The following PPP2R3B variants were observed in gnomAD, a reference collection of about 807,000 sequenced individuals.
PPP2R3B encodes serine/threonine-protein phosphatase 2A regulatory subunit B'' subunit beta.
A neutral mutation model predicts 72.9 loss-of-function variants in PPP2R3B; 68 were observed. The observed-to-expected ratio is 0.93, with a 90% CI of 0.77 to 1.14. PPP2R3B has a LOEUF of 1.14. Among genes scored for constraint, PPP2R3B ranks in the 50% most tolerant of loss-of-function variants. PPP2R3B has a pLI of 0.00. For synonymous variants in PPP2R3B, 466 were observed against 375.8 expected, an observed-to-expected ratio of 1.24 and a Z score of -2.78; for missense variants, 1,018 against 842.0, an observed-to-expected ratio of 1.21 and a Z score of -2.59.
intron 2 of PPP2R3B, among the ~76,000 whole-genome samples, chrX:358,754 A>G (rs1307672588): frequency 1.3e-5 from 2 of 150,750 alleles, no homozygotes; most frequent in African/African-American, 4.8e-5. Context: ...AAACGCGCAC[A>G]TGAGAACCAG....
intron 8 of PPP2R3B, 78 bp downstream of exon 8, chrX:341,805 C>T (rs1341145783): frequency 6.0e-6 from 9 of 1,503,254 alleles, no homozygotes; most frequent in Middle Eastern, 3.5e-4. Context: ...AAAAAGCTCA[C>T]GTCAGGCAAC....
chrX:346,665 G>A (rs1373587292), intron 5 of PPP2R3B, 36 bp downstream of exon 5: 10 of 1,580,646 alleles, frequency 6.3e-6, no homozygotes, highest in African/African-American at 4.0e-5. Flanking sequence ...CCCGCGCCCC[G>A]CGCTGGAACC....
chrX:380,350 C>T (rs777418820), intron 1 of PPP2R3B, among the ~76,000 whole-genome samples: 6 of 152,280 alleles, frequency 3.9e-5, no homozygotes, highest in African/African-American at 1.2e-4. Context: ...AAAGAGCTCT[C>T]GCAACTCAGT....
intron 2 of PPP2R3B, among the ~76,000 whole-genome samples, chrX:355,303 C>T (rs912370555): frequency 2.2e-4 from 34 of 152,210 alleles, no homozygotes; most frequent in African/African-American, 8.2e-4. Context: ...TGTGATGAAC[C>T]GTGAACAAGA....
In PPP2R3B at chrX:376,411, C is replaced by G. The variant is rs755859554; in HGVS notation, c.324+9957G>C. ...CTGTCTACACCGGATGGGGGAGGGA[C>G]AGGGCTGTCCACACTCGACAGAGCC... On this transcript the variant is annotated intron_variant, in intron 1 of 12. Transcript: ENST00000390665. 2.6e-3 allele frequency among the ~76,000 whole-genome samples: 400 copies of G among 151,798 alleles called. 2 individuals carry two copies. The highest frequency in any genetic ancestry group is 9.3e-3 in the African/African-American group (382 of 41,076).
chrX:346,316 C>G, intron 5 of PPP2R3B, 56 bp from the exon 6 acceptor site: 4 of 1,503,764 alleles, frequency 2.7e-6, no homozygotes, highest in Non-Finnish European at 3.6e-6. Flanking sequence ...AGCCTCGCCC[C>G]GCACGGAGAC....
rs180863072 is a variant in PPP2R3B at position 373,842 on chromosome X, G to A, written c.325-12252C>T. 1.9e-3 allele frequency: 290 copies of A among 152,262 alleles called. 5 individuals carry two copies. The East Asian group carries it at 0.053, about 28-fold the overall frequency. 9.4% of individuals were successfully genotyped at this position (152,262 alleles called of 1,614,324 possible). ...ATTCCTCAGGCTGAGGAGGGCGCAT[G>A]GCGCCGGGGGTGGGGGCGGCCGCCT... On this transcript the variant is annotated intron_variant, in intron 1 of 12. Transcript: ENST00000390665.
At chrX:335,609 C>T (rs1034926153) in intron 12 of PPP2R3B, 127 of 152,168 alleles carry the variant, frequency 8.3e-4, no homozygotes, top group Non-Finnish European at 1.5e-3. Flanking sequence ...ATCAGAAGGC[C>T]GCGGGCTGCG....
In PPP2R3B at chrX:341,883, C is replaced by G; in HGVS notation, c.1085G>C (p.Arg362Pro). 1.9e-6 allele frequency: 3 copies of G among 1,612,672 alleles called. No individual in the cohort carries two copies. The highest frequency in any genetic ancestry group is 1.1e-5 in the South Asian group (1 of 91,080). ...CGTCAGGCGCCTGAGCCGTACGTAC[C>G]GTGTGACTGCTCCTGAGAAGATCCT... ...IDRIFSGAVTRGRKVQKEGKI... is the reference protein window; with the variant it reads ...IDRIFSGAVTPGRKVQKEGKI... The change falls in exon 8 of 13, where the codon CGA becomes CCA. Residue 362 changes from arginine (R) to proline (P), a missense_variant and splice_region_variant. Transcript: ENST00000390665.
chrX:375,762 G>C (rs191279424), intron 1 of PPP2R3B, among the ~76,000 whole-genome samples: 2 of 152,250 alleles, frequency 1.3e-5, no homozygotes, highest in African/African-American at 4.8e-5. Flanking sequence ...CGGGGGAAGC[G>C]AGCCAACGGG....
chrX:385,154 G>C (rs1041576399), intron 1 of PPP2R3B, among the ~76,000 whole-genome samples: 7 of 151,834 alleles, frequency 4.6e-5, no homozygotes, highest in African/African-American at 1.7e-4. Context: ...AGGTGAACTC[G>C]GGAGTAGGTA....
intron 1 of PPP2R3B, among the ~76,000 whole-genome samples, chrX:383,318 T>A (rs2072165045): frequency 6.6e-6 from 1 of 152,106 alleles, no homozygotes; most frequent in Admixed American, 6.6e-5. Context: ...TACGTAAATA[T>A]CACTTTGTGA....
At chrX:364,603 A>C (rs2071655020) in intron 1 of PPP2R3B, among the ~76,000 whole-genome samples, 2 of 149,188 alleles carry the variant, frequency 1.3e-5, no homozygotes, top group Non-Finnish European at 1.5e-5. Flanking sequence ...CTGTACTCCC[A>C]GCTACTCGGG....
chrX:343,859 C>G lies in PPP2R3B; in HGVS notation c.1036+1657G>C, dbSNP rs1266419408. 5.8e-4 allele frequency among the ~76,000 whole-genome samples: 8 copies of G among 13,770 alleles called. 1 individual carries two copies. Among genetic ancestry groups the G allele is most frequent in the African/African-American group, 1.6e-3 (4 of 2,492 alleles). 9.0% of individuals were successfully genotyped at this position (13,770 alleles called of 152,430 possible). On this transcript the variant is annotated intron_variant, in intron 7 of 12. Transcript: ENST00000390665. ...CGGTAGGGAGACCTCACCAAGGAGA[C>G]GCGGGAGTGAGACCTCAGCAACGGG...
chrX:383,837 C>CAAAAAAAAAA lies in PPP2R3B; in HGVS notation c.324+2521_324+2530dup, dbSNP rs757960788. 1.4e-3 allele frequency among the ~76,000 whole-genome samples: 66 copies of CAAAAAAAAAA among 45,598 alleles called. 1 individual carries two copies. Among genetic ancestry groups the CAAAAAAAAAA allele is most frequent in the African/African-American group, 4.0e-3 (61 of 15,150 alleles). 29.9% of individuals were successfully genotyped at this position (45,598 alleles called of 152,430 possible). A position where few individuals can be genotyped will look rare whatever the true frequency, so the allele number is the denominator to read the frequency against. The stretch of plus-strand genomic sequence containing the variant: ...TGGGGGACAGAGCGAGACTCCGTCT[C>CAAAAAAAAAA]AAAAAAAAAAAAAAAAAAAAAAAAA... On this transcript the variant is annotated intron_variant, in intron 1 of 12. Transcript: ENST00000390665.
At chrX:358,126 C>T (rs2071471939) in intron 2 of PPP2R3B, among the ~76,000 whole-genome samples, 1 of 152,224 alleles carries the variant, frequency 6.6e-6, no homozygotes, top group South Asian at 2.1e-4. Flanking sequence ...ACGGCAGTGA[C>T]ACCCCTACTC....
intron 2 of PPP2R3B, among the ~76,000 whole-genome samples, chrX:352,790 C>T (rs1376817645): frequency 6.6e-6 from 1 of 151,754 alleles, no homozygotes; most frequent in Non-Finnish European, 1.5e-5. Flanking sequence ...GCAAGTTCAG[C>T]ACGCGTTCCT....
chrX:350,127 A>G (rs1199799040), intron 2 of PPP2R3B, among the ~76,000 whole-genome samples: 2 of 152,216 alleles, frequency 1.3e-5, no homozygotes, highest in Non-Finnish European at 2.9e-5. Flanking sequence ...AGAGTAATGA[A>G]GACTCAGTCA....
chrX:338,716 G>C lies in PPP2R3B; in HGVS notation c.1471-6C>G, dbSNP rs376256268. 75 of 1,611,786 alleles carry C rather than the reference G, an allele frequency of 4.7e-5. 1 individual carries two copies. The African/African-American group carries it at 8.8e-4, about 19-fold the overall frequency. ...GGGCCGCCGCTGTCACCGTCCTGGA[G>C]GAAGCACACGGGTTACGTACACGGC... On this transcript the variant is annotated splice_polypyrimidine_tract_variant and splice_region_variant and intron_variant, in intron 11 of 12. Coordinates refer to ENST00000390665, the MANE Select transcript of PPP2R3B (RefSeq NM_013239.5).
Sources: gnomAD v4.1 joint callset for allele counts (sites outside exome capture counted in the v4.1 genomes callset) on GRCh38, gnomAD v4.1.1 for gene constraint, MANE v1.5 for transcripts, NCBI Gene and HGNC (gene_info 2026-07-23, HGNC 2026-07-21) for gene names.